The following MED27 variants were observed in gnomAD, a reference collection of about 807,000 sequenced individuals.
MED27 encodes mediator of RNA polymerase II transcription subunit 27.
MED27 carries 30 observed loss-of-function variants against 38.2 expected under a neutral mutation model. The observed-to-expected ratio is 0.79, with a 90% confidence interval of 0.59 to 1.07. The LOEUF is 1.07. Among genes scored for constraint, MED27 ranks in the 50% least tolerant of loss-of-function variants. The probability of loss-of-function intolerance (pLI) is 0.00; values close to 1 mark genes in which losing one functional copy is unlikely to be tolerated. For missense variants in MED27, 289 were observed against 397.5 expected (o/e 0.73, Z 2.32); for synonymous variants, 122 against 153.5 (o/e 0.79, Z 1.52).
At chr9:131,865,390 G>A (rs1279995497) in intron 6 of MED27, among the ~76,000 whole-genome samples, 1 of 152,280 alleles carries the variant, frequency 6.6e-6, no homozygotes, top group African/African-American at 2.4e-5. Flanking sequence ...GGGCTCGAAC[G>A]GTCCCCGAAC....
chr9:132,061,806 A>C (rs993598924), intron 2 of MED27, among the ~76,000 whole-genome samples: 1 of 152,218 alleles, frequency 6.6e-6, no homozygotes, highest in African/African-American at 2.4e-5. Context: ...GCTAAAATAA[A>C]CATAAGGTAT....
intron 3 of MED27, among the ~76,000 whole-genome samples, chr9:131,963,731 C>T (rs1831272739): frequency 6.6e-6 from 1 of 152,182 alleles, no homozygotes; most frequent in Non-Finnish European, 1.5e-5. Flanking sequence ...TGAGCATCGG[C>T]TCCTGTGCTT....
At chr9:132,057,086 T>C (rs1225903388) in intron 2 of MED27, among the ~76,000 whole-genome samples, 1 of 152,220 alleles carries the variant, frequency 6.6e-6, no homozygotes, top group East Asian at 1.9e-4. Flanking sequence ...CTGGCTATAC[T>C]GTTTGCCCTC....
rs1831755378 is a variant in MED27, at chr9:131,982,407, G to C, written c.479+31930C>G. Reference sequence around the variant, plus strand: ...GAATACAACTCCCTGAATGATCACTGACAAGATCAGGAGTAGAATCACCCA... The same window carrying C: ...GAATACAACTCCCTGAATGATCACTCACAAGATCAGGAGTAGAATCACCCA... On this transcript the variant is annotated intron_variant, in intron 3 of 7. Coordinates refer to ENST00000292035, the MANE Select transcript of MED27 (RefSeq NM_004269.4). This position sits in a 1 kb window ranked among gnomAD's most constrained non-coding sequence, Gnocchi z 4.3. Among the ~76,000 whole-genome samples, 1 of 152,200 alleles carries C rather than the reference G, an allele frequency of 6.6e-6. No individual in the cohort carries two copies. Among genetic ancestry groups the C allele is most frequent in the Non-Finnish European group, 1.5e-5 (1 of 68,042 alleles).
intron 3 of MED27, among the ~76,000 whole-genome samples, chr9:131,996,711 G>A (rs1029583521): frequency 6.6e-6 from 1 of 152,222 alleles, no homozygotes; most frequent in African/African-American, 2.4e-5. Context: ...CTTAAATATT[G>A]AGATTTTCTT....
intron 3 of MED27, among the ~76,000 whole-genome samples, chr9:131,964,973 T>C (rs1361308998): frequency 1.3e-5 from 2 of 152,178 alleles, no homozygotes; most frequent in Non-Finnish European, 2.9e-5. Context: ...GAAAGTACAA[T>C]AAACTTACAT....
rs1245257711 is a variant in MED27 at position 131,889,984 on chromosome 9, CAT to C, written c.681+3899_681+3900del. 6.6e-6 allele frequency among the ~76,000 whole-genome samples: 1 copy of C among 152,210 alleles called. No individual in the cohort carries two copies. Among genetic ancestry groups the C allele is most frequent in the African/African-American group, 2.4e-5 (1 of 41,446 alleles). The stretch of plus-strand genomic sequence containing the variant: ...AGCAACAACGTGCTCTTGTAGAACA[CAT>C]GTCAGGCCCCAAGGGCTCCTTCCAG... On this transcript the variant is annotated intron_variant, in intron 5 of 7. Coordinates refer to ENST00000292035, the MANE Select transcript of MED27 (RefSeq NM_004269.4). The surrounding 1 kb of genome is among the most constrained non-coding windows in gnomAD (Gnocchi z 4.2).
intron 4 of MED27, among the ~76,000 whole-genome samples, chr9:131,924,026 T>G (rs1564284994): frequency 6.6e-6 from 1 of 152,224 alleles, no homozygotes; most frequent in African/African-American, 2.4e-5. Context: ...ATCACACGCC[T>G]CTGCACAGGC....
chr9:131,900,270 G>A (rs559315033), intron 4 of MED27, among the ~76,000 whole-genome samples: 3 of 152,358 alleles, frequency 2.0e-5, no homozygotes, highest in South Asian at 2.1e-4. Context: ...AGCGGGGGCC[G>A]AAACCAGTGG....
At chr9:131,911,724 A>C (rs752430093) in intron 4 of MED27, among the ~76,000 whole-genome samples, 8 of 152,236 alleles carry the variant, frequency 5.3e-5, no homozygotes, top group Non-Finnish European at 1.2e-4. Flanking sequence ...TCTTTTAGCA[A>C]AGATGCAGAG....
chr9:132,059,673 T>C (rs1833657921), intron 2 of MED27, among the ~76,000 whole-genome samples: 4 of 152,170 alleles, frequency 2.6e-5, no homozygotes, highest in African/African-American at 9.7e-5. Flanking sequence ...TTGTACATCA[T>C]GGCTGGAAAT....
At chr9:131,935,632 G>A (rs1042145968) in intron 4 of MED27, among the ~76,000 whole-genome samples, 9 of 152,066 alleles carry the variant, frequency 5.9e-5, no homozygotes, top group South Asian at 2.1e-4. Flanking sequence ...CATTATTTAG[G>A]GATACAGGCA....
intron 3 of MED27, among the ~76,000 whole-genome samples, chr9:131,960,700 G>T (rs1414639239): frequency 6.6e-6 from 1 of 152,062 alleles, no homozygotes; most frequent in South Asian, 2.1e-4. Context: ...AAATTGGAGC[G>T]TATGTACAGA....
At chr9:131,979,483 CAAAAAAAAAAAA>C in intron 3 of MED27, among the ~76,000 whole-genome samples, 1 of 127,718 alleles carries the variant, frequency 7.8e-6, no homozygotes, top group South Asian at 2.5e-4. Flanking sequence ...AAAGCTGTTC[CAAAAAAAAAAAA>C]AAAAAAAAAC....
rs530772364 is a variant in MED27 at position 132,039,749 on chromosome 9, T to C, written c.349-25282A>G. On this transcript the variant is annotated intron_variant, in intron 2 of 7. Coordinates refer to ENST00000292035, the MANE Select transcript of MED27 (RefSeq NM_004269.4). ...CCTGCTTGGCAATCCCTCCTACCCCTTAACCGCCACTGTGTGCTCCGTTCA... is the reference window on the plus strand; with the variant it reads ...CCTGCTTGGCAATCCCTCCTACCCCCTAACCGCCACTGTGTGCTCCGTTCA... Among the ~76,000 whole-genome samples the C allele has an allele frequency of 1.3e-3, 196 of 152,220 alleles. 1 individual carries two copies. Among genetic ancestry groups the C allele is most frequent in the Non-Finnish European group, 2.4e-3 (161 of 68,010 alleles).
chr9:131,892,667 T>C lies in MED27; in HGVS notation c.681+1218A>G, dbSNP rs556073181. Among the ~76,000 whole-genome samples, 23 of 152,316 alleles carry C rather than the reference T, an allele frequency of 1.5e-4. No homozygotes were observed. The East Asian group carries it at 4.2e-3, about 28-fold the overall frequency. On this transcript the variant is annotated intron_variant, in intron 5 of 7. Coordinates refer to ENST00000292035, the MANE Select transcript of MED27 (RefSeq NM_004269.4). ...CAAGAATGGCATCTCAAAATGCCAC[T>C]GCCCATGGTCTCTGCGAGGGTATAC...
At chr9:131,896,770 C>T (rs1016901429) in intron 4 of MED27, among the ~76,000 whole-genome samples, 2 of 152,146 alleles carry the variant, frequency 1.3e-5, no homozygotes, top group East Asian at 1.9e-4. Context: ...CTTGCTCTGT[C>T]GCCCAGGCTG....
chr9:131,920,928 G>A (rs1830379386), intron 4 of MED27, among the ~76,000 whole-genome samples: 1 of 152,116 alleles, frequency 6.6e-6, no homozygotes, highest in East Asian at 1.9e-4. Context: ...GGCTTCACGT[G>A]GAGAACTGAT....
Position 131,979,797 on chromosome 9 carries a change from G to A in MED27, c.479+34540C>T, listed in dbSNP as rs181097127. ...GGATGGGTTCTGTCTACTAGTCCAT[G>A]CTAACTCCTTGTAGAGTGGCACCTG... is the stretch of plus-strand genomic sequence containing the variant. On this transcript the variant is annotated intron_variant, in intron 3 of 7. Coordinates refer to ENST00000292035, the MANE Select transcript of MED27 (RefSeq NM_004269.4). 3.4e-3 allele frequency among the ~76,000 whole-genome samples: 522 copies of A among 151,446 alleles called. 13 individuals are homozygous for A. The highest frequency in any genetic ancestry group is 0.031 in the Admixed American group (474 of 15,250).
Sources: allele counts gnomAD v4.1 joint callset (sites outside exome capture counted in the v4.1 genomes callset), GRCh38; gene constraint gnomAD v4.1.1; non-coding constraint Gnocchi (gnomAD v3.1); transcripts MANE v1.5; gene names NCBI Gene and HGNC (gene_info 2026-07-23, HGNC 2026-07-21).